The following SORCS1 variants were observed in gnomAD, a reference collection of about 807,000 sequenced individuals.
SORCS1 encodes VPS10 domain-containing receptor SorCS1.
SORCS1 carries 60 observed loss-of-function variants against 146.1 expected under a neutral mutation model. The ratio of observed to expected loss-of-function variants is 0.41; its 90% CI spans 0.33 to 0.51. The LOEUF (loss-of-function observed/expected upper bound fraction) is 0.51. Among genes scored for constraint, SORCS1 ranks in the 20% least tolerant of loss-of-function variants. The pLI is 0.21. For synonymous variants in SORCS1, 637 were observed against 584.0 expected (o/e 1.09, Z -1.31); for missense variants, 1,352 against 1,487.6 (o/e 0.91, Z 1.50).
At chr10:107,176,762 A>C in the SORCS1 span, among the ~76,000 whole-genome samples, 1 of 152,344 alleles carries the variant, frequency 6.6e-6, no homozygotes, top group East Asian at 1.9e-4. Flanking sequence ...TGCTATGATC[A>C]ATAATGGTAA....
At chr10:107,030,517 T>C (rs529409449) in intron 1 of SORCS1, among the ~76,000 whole-genome samples, 21 of 152,304 alleles carry the variant, frequency 1.4e-4, no homozygotes, top group Admixed American at 2.6e-4. Flanking sequence ...AAATCACAAA[T>C]ACAACAGGTG....
At chr10:107,085,165 G>A (rs1963665948) in intron 1 of SORCS1, among the ~76,000 whole-genome samples, 1 of 152,224 alleles carries the variant, frequency 6.6e-6, no homozygotes, top group African/African-American at 2.4e-5. Context: ...GATAGACACA[G>A]ATAGACAGAG....
intron 1 of SORCS1, among the ~76,000 whole-genome samples, chr10:107,076,487 C>A (rs1431585963): frequency 5.3e-5 from 8 of 152,138 alleles, no homozygotes; most frequent in African/African-American, 1.2e-4. Flanking sequence ...CAGTAACACA[C>A]AATATTTGAA....
the SORCS1 span, among the ~76,000 whole-genome samples, chr10:107,179,111 C>T: frequency 1.3e-5 from 2 of 152,146 alleles, no homozygotes; most frequent in African/African-American, 4.8e-5. Context: ...TTCTCTGCAT[C>T]CTCAACAGCA....
At chr10:107,092,473 G>A (rs752152531) in intron 1 of SORCS1, among the ~76,000 whole-genome samples, 8 of 152,194 alleles carry the variant, frequency 5.3e-5, no homozygotes, top group Non-Finnish European at 1.2e-4. Flanking sequence ...AGTGCTGAAT[G>A]CATGACAGCT....
intron 3 of SORCS1, among the ~76,000 whole-genome samples, chr10:106,801,058 T>C (rs1419830494): frequency 6.6e-6 from 1 of 152,218 alleles, no homozygotes; most frequent in Non-Finnish European, 1.5e-5. Context: ...GTTCACTATC[T>C]CTAGGGCCTC....
chr10:107,046,155 C>T (rs539465294), intron 1 of SORCS1, among the ~76,000 whole-genome samples: 1 of 152,198 alleles, frequency 6.6e-6, no homozygotes, highest in African/African-American at 2.4e-5. Context: ...CCACGTTGGC[C>T]AGATGGTCTC....
chr10:106,944,105 G>C (rs1403540991), intron 2 of SORCS1, among the ~76,000 whole-genome samples: 1 of 152,060 alleles, frequency 6.6e-6, no homozygotes, highest in Non-Finnish European at 1.5e-5. Context: ...CTTACTTCTT[G>C]TTTCACTGAC....
At chr10:106,773,457 C>G (rs945609947) in intron 4 of SORCS1, among the ~76,000 whole-genome samples, 38 of 152,306 alleles carry the variant, frequency 2.5e-4, no homozygotes, top group African/African-American at 8.9e-4. Context: ...CACTCCCTTC[C>G]AGCGAATGCC....
chr10:107,077,920 T>TA (rs974525042), intron 1 of SORCS1, among the ~76,000 whole-genome samples: 1 of 152,250 alleles, frequency 6.6e-6, no homozygotes, highest in South Asian at 2.1e-4. Flanking sequence ...GGTGAGAATT[T>TA]AAAAAATCAG....
chr10:106,927,981 C>T (rs1284361306), intron 2 of SORCS1, among the ~76,000 whole-genome samples: 2 of 152,270 alleles, frequency 1.3e-5, no homozygotes, highest in Non-Finnish European at 2.9e-5. Flanking sequence ...TATTTACAAT[C>T]CCTTAGCTAG....
chr10:106,604,580 C>A (rs1053479207), intron 23 of SORCS1, among the ~76,000 whole-genome samples: 2 of 152,196 alleles, frequency 1.3e-5, no homozygotes, highest in Non-Finnish European at 2.9e-5. Flanking sequence ...CAGTCTCTAG[C>A]TTGGTACCTT....
intron 9 of SORCS1, among the ~76,000 whole-genome samples, chr10:106,694,180 T>C (rs1853516590): frequency 6.6e-6 from 1 of 152,160 alleles, no homozygotes; most frequent in Non-Finnish European, 1.5e-5. Context: ...TCCTTCTCTG[T>C]TGCCTCAACC....
At chr10:106,829,713 T>C (rs749147129) in intron 2 of SORCS1, 40 bp from the exon 3 acceptor site, 1 of 1,510,668 alleles carries the variant, frequency 6.6e-7, no homozygotes. Flanking sequence ...CAGAAGTATA[T>C]GTCATTTGGC....
chr10:107,043,634 G>C (rs893955529), intron 1 of SORCS1, among the ~76,000 whole-genome samples: 1 of 152,188 alleles, frequency 6.6e-6, no homozygotes, highest in Non-Finnish European at 1.5e-5. Flanking sequence ...GTCTTCAGCT[G>C]TTCAAGGTCA....
In SORCS1 at chr10:106,909,697, T is replaced by A. The variant is rs1452279713; in HGVS notation, c.626+46816A>T. Among the ~76,000 whole-genome samples, 8 of 152,354 alleles carry A rather than the reference T, an allele frequency of 5.3e-5. No individual in the cohort carries two copies. The East Asian group carries it at 7.7e-4, about 15-fold the overall frequency. On this transcript the variant is annotated intron_variant, in intron 2 of 25. Coordinates refer to ENST00000263054, the MANE Select transcript of SORCS1 (RefSeq NM_052918.5). ...TGTGTGCATTCTGTGAATGATTAAT[T>A]TTTTAAATTATTTTTGGCTCCAACC...
intron 1 of SORCS1, among the ~76,000 whole-genome samples, chr10:107,138,463 C>A (rs72814905): frequency 0.067 from 10,257 of 152,238 alleles, 363 homozygotes; most frequent in Non-Finnish European, 0.078. Context: ...CTTGCTCCAA[C>A]CCTCAGTAAT....
chr10:106,956,254 C>T (rs1376106324), intron 2 of SORCS1, among the ~76,000 whole-genome samples: 1 of 152,198 alleles, frequency 6.6e-6, no homozygotes, highest in African/African-American at 2.4e-5. Context: ...GTCAGTGAGA[C>T]AGTGCATAAA....
At chr10:106,904,985 C>G (rs1360529297) in intron 2 of SORCS1, among the ~76,000 whole-genome samples, 1 of 152,070 alleles carries the variant, frequency 6.6e-6, no homozygotes, top group Non-Finnish European at 1.5e-5. Context: ...ATATTGCTGT[C>G]AAAAACGGAA....
Sources: gnomAD v4.1 joint callset for allele counts (sites outside exome capture counted in the v4.1 genomes callset) on GRCh38, gnomAD v4.1.1 for gene constraint, MANE v1.5 for transcripts, NCBI Gene and HGNC (gene_info 2026-07-23, HGNC 2026-07-21) for gene names.